Variants in CEP126 observed in about 807,000 individuals in gnomAD.
CEP126 encodes the protein centrosomal protein of 126 kDa.
Under a neutral mutation model 107.8 loss-of-function variants are expected in CEP126, and 74 were observed. The observed-to-expected ratio is 0.69, with a 90% CI of 0.57 to 0.83. The LOEUF is 0.83. CEP126 is among the 40% of genes least tolerant of loss of function. CEP126 has a pLI of 0.00. For synonymous variants in CEP126, 449 were observed against 446.0 expected (o/e 1.01, Z -0.08); for missense variants, 1,237 against 1,281.9 (o/e 0.96, Z 0.53).
At chr11:101,951,231 T>G (rs900530096) in intron 4 of CEP126, among the ~76,000 whole-genome samples, 2 of 152,112 alleles carry the variant, frequency 1.3e-5, no homozygotes, top group East Asian at 3.9e-4. Flanking sequence ...AGGCTGGGCA[T>G]AGTGGCCCAC....
At chr11:101,965,135 T>C (rs1250433707) in intron 6 of CEP126, among the ~76,000 whole-genome samples, 1 of 152,124 alleles carries the variant, frequency 6.6e-6, no homozygotes, top group African/African-American at 2.4e-5. Context: ...TGGTCGACTC[T>C]CATAAAACTT....
At chr11:101,955,871 C>A (rs1225938420) in intron 4 of CEP126, 6 of 456,244 alleles carry the variant, frequency 1.3e-5, no homozygotes, top group Admixed American at 7.0e-5. Context: ...GGTCCCATTG[C>A]GGTCCCACCA....
intron 6 of CEP126, among the ~76,000 whole-genome samples, chr11:101,971,115 G>A (rs1024513435): frequency 7.9e-5 from 12 of 151,964 alleles, no homozygotes; most frequent in African/African-American, 2.9e-4. Flanking sequence ...CCACAGGTGC[G>A]CACCACCATG....
At chr11:101,922,505 G>C in intron 1 of CEP126, 136 bp from the exon 2 acceptor site, 1 of 694,756 alleles carries the variant, frequency 1.4e-6, no homozygotes, top group African/African-American at 1.8e-5. Flanking sequence ...ATATACTAAT[G>C]TGGGCACATA....
intron 2 of CEP126, among the ~76,000 whole-genome samples, chr11:101,942,638 G>T (rs1940681610): frequency 6.9e-6 from 1 of 144,326 alleles, no homozygotes; most frequent in African/African-American, 2.5e-5. Flanking sequence ...AATGGATTTT[G>T]CTATTTCTGC....
Position 101,915,019 on chromosome 11 carries a change from G to C in CEP126, c.-266G>C, listed in dbSNP as rs1003496468. 3 of 416,214 alleles carry C rather than the reference G, an allele frequency of 7.2e-6. No individual in the cohort carries two copies. The highest frequency in any genetic ancestry group is 4.1e-5 in the African/African-American group (2 of 49,192). The allele number at this position is 416,214 out of a possible 1,614,324, so 25.8% of individuals were successfully genotyped here. A position where few individuals can be genotyped will look rare whatever the true frequency, so the allele number is the denominator to read the frequency against. On this transcript the variant is annotated 5_prime_UTR_variant, in exon 1 of 11. Coordinates refer to ENST00000263468, the MANE Select transcript of CEP126 (RefSeq NM_020802.4). Reference sequence around the variant, plus strand: ...TTCCGTTGTCAAGGACGCGCCGTCGGTTGTTGTCAAGATGGCGGCTGCAGG... The same window carrying C: ...TTCCGTTGTCAAGGACGCGCCGTCGCTTGTTGTCAAGATGGCGGCTGCAGG...
chr11:101,942,052 A>G (rs547352209), intron 2 of CEP126, among the ~76,000 whole-genome samples: 1 of 152,100 alleles, frequency 6.6e-6, no homozygotes, highest in Non-Finnish European at 1.5e-5. Context: ...CAGATATGTG[A>G]TTGGAAATAT....
intron 8 of CEP126, among the ~76,000 whole-genome samples, chr11:101,983,500 A>G (rs2137128563): frequency 6.6e-6 from 1 of 152,346 alleles, no homozygotes; most frequent in Admixed American, 6.5e-5. Flanking sequence ...AAGATCTATC[A>G]TGATGAACTG....
At position 101,915,269 on chromosome 11, in the gene CEP126, G is replaced by A. The variant is rs758032724; in HGVS notation, c.-16G>A. On this transcript the variant is annotated 5_prime_UTR_variant, in exon 1 of 11. Transcript: ENST00000263468. ...AGGTTCTGGGGGCGAGCAGACAGGCGGCGCTGAAGTGAAGGATGCTGGCGG... is the reference window on the plus strand; with the variant it reads ...AGGTTCTGGGGGCGAGCAGACAGGCAGCGCTGAAGTGAAGGATGCTGGCGG... 8 of 1,612,890 alleles carry A rather than the reference G, an allele frequency of 5.0e-6. No individual in the cohort carries two copies. In the Admixed American group the frequency reaches 1.3e-4, roughly 27 times the overall value.
chr11:101,996,460 A>C (rs1483338317), intron 10 of CEP126, among the ~76,000 whole-genome samples: 1 of 151,994 alleles, frequency 6.6e-6, no homozygotes, highest in African/African-American at 2.4e-5. Context: ...CCAGACCCTC[A>C]TTTTCCCAGC....
At position 101,986,896 on chromosome 11, in the gene CEP126, T is replaced by C. The variant is rs764510916; in HGVS notation, c.3099T>C (p.Asp1033=). The change falls in exon 9 of 11, where the codon GAT becomes GAC. Residue 1033 remains aspartate (D), a synonymous_variant. Transcript: ENST00000263468. ...TAGTGAAAGCATCAGTGCCGGAGGA[T>C]GAGATTCTGACTGTCTTGAATAGCA... The part of the protein sequence containing the change: ...ENLVKASVPE[D]EILTVLNSKQ... The C allele has an allele frequency of 3.1e-6, 5 of 1,613,910 alleles. No individual in the cohort carries two copies. In the Admixed American group the frequency reaches 8.3e-5, roughly 27 times the overall value.
intron 9 of CEP126, among the ~76,000 whole-genome samples, chr11:101,989,217 A>G (rs1475392675): frequency 6.6e-6 from 1 of 152,226 alleles, no homozygotes; most frequent in Non-Finnish European, 1.5e-5. Flanking sequence ...AAGAAAAAAA[A>G]TAATAGGAAT....
intron 5 of CEP126, among the ~76,000 whole-genome samples, chr11:101,961,359 T>G (rs1024058696): frequency 2.0e-5 from 3 of 152,048 alleles, no homozygotes; most frequent in African/African-American, 4.8e-5. Context: ...CAGTGAATGT[T>G]TTAGGAAAAA....
At position 101,915,317 on chromosome 11, in the gene CEP126, G is replaced by T. The variant is rs181761204; in HGVS notation, c.33G>T (p.Ala11=). The T allele has an allele frequency of 1.1e-5, 17 of 1,613,868 alleles. No homozygotes were observed. The Admixed American group carries it at 2.2e-4, about 21-fold the overall frequency. Residue 11 remains alanine (A), a synonymous_variant, in exon 1 of 11, where the codon GCG becomes GCT. Transcript: ENST00000263468. MLAGRPGTRS[A]VGELGTESSD... ...CGGGGAGGCCCGGAACCCGGAGCGC[G>T]GTCGGGGAACTGGGCACTGAATCAT...
chr11:101,953,139 C>A (rs1050524217), intron 4 of CEP126, among the ~76,000 whole-genome samples: 1 of 152,148 alleles, frequency 6.6e-6, no homozygotes, highest in Non-Finnish European at 1.5e-5. Flanking sequence ...TGTAATGGCT[C>A]CATATGAATT....
chr11:101,924,450 G>GTA (rs1167180987), intron 2 of CEP126, among the ~76,000 whole-genome samples: 1 of 151,696 alleles, frequency 6.6e-6, no homozygotes, highest in Non-Finnish European at 1.5e-5. Context: ...GTGTGTGTGT[G>GTA]TGTGTGTGGT....
At chr11:101,986,117 G>A (rs549436016) in intron 8 of CEP126, among the ~76,000 whole-genome samples, 1 of 151,382 alleles carries the variant, frequency 6.6e-6, no homozygotes, top group South Asian at 2.1e-4. Flanking sequence ...CAAGTAGCTG[G>A]GATTATAAGC....
At chr11:101,917,802 C>T (rs1940250597) in intron 1 of CEP126, among the ~76,000 whole-genome samples, 1 of 152,158 alleles carries the variant, frequency 6.6e-6, no homozygotes, top group Non-Finnish European at 1.5e-5. Flanking sequence ...CCCAATCATT[C>T]TGCCTCAGCC....
intron 6 of CEP126, among the ~76,000 whole-genome samples, chr11:101,967,021 CTTTCTTTTTTTTT>C (rs1941064406): frequency 7.3e-6 from 1 of 137,176 alleles, no homozygotes; most frequent in South Asian, 2.4e-4. Context: ...TCATCTCTTT[CTTTCTTTTTTTTT>C]TTTTTTTTTT....
Sources: gnomAD v4.1 joint callset for allele counts (sites outside exome capture counted in the v4.1 genomes callset) on GRCh38, gnomAD v4.1.1 for gene constraint, MANE v1.5 for transcripts, NCBI Gene and HGNC (gene_info 2026-07-23, HGNC 2026-07-21) for gene names.